SYNE1: variants seen among roughly 807,000 people sequenced by gnomAD.
The protein encoded by SYNE1 is nesprin-1.
Under a neutral mutation model 1,111.0 loss-of-function variants are expected in SYNE1, and 616 were observed. That is an observed-to-expected ratio of 0.55 (90% CI 0.52 to 0.59). The LOEUF (loss-of-function observed/expected upper bound fraction) is 0.59. Ranked by LOEUF, SYNE1 falls within the 20% of genes least tolerant of loss-of-function variation. SYNE1 has a pLI of 0.00. For missense variants in SYNE1, 10,006 were observed against 10,417.0 expected (o/e 0.96, Z 1.72); for synonymous variants, 3,855 against 3,825.8 (o/e 1.01, Z -0.28).
At chr6:152,156,727 C>T (rs1345568697) in intron 131 of SYNE1, among the ~76,000 whole-genome samples, 5 of 152,082 alleles carry the variant, frequency 3.3e-5, no homozygotes, top group Non-Finnish European at 4.4e-5. Flanking sequence ...TTTTGATCTA[C>T]GGTTGGTGGA....
chr6:152,194,223 GTTTGAAAAAGTCTA>G (rs139664087), intron 127 of SYNE1, among the ~76,000 whole-genome samples: 9,879 of 152,012 alleles, frequency 0.065, 377 homozygotes, highest in African/African-American at 0.11. Context: ...GCTTTTGTTT[GTTTGAAAAAGTCTA>G]TTTTTCCTTC....
At chr6:152,334,462 A>C (rs148883134) in intron 76 of SYNE1, among the ~76,000 whole-genome samples, 189 bp from the exon 77 acceptor site, 2 of 152,356 alleles carry the variant, frequency 1.3e-5, no homozygotes, top group African/African-American at 4.8e-5. Context: ...TATGAACGTT[A>C]ATTCCCACGT....
Position 152,428,216 on chromosome 6 carries a change from G to A in SYNE1, c.4965C>T (p.Ala1655=), listed in dbSNP as rs765695344. The A allele has an allele frequency of 6.2e-7, 1 of 1,613,500 alleles. No homozygotes were observed. The stretch of plus-strand genomic sequence containing the variant: ...AAAGTGCTGCTCACCTCTGCCAGTG[G>A]GCCAGCAGATTCTCCAGCGCCGTCT... ...ERQTALENLL[A]HWQRLEKELS... The change falls in exon 37 of 146, where the codon GCC becomes GCT. Residue 1655 remains alanine (A), a synonymous_variant. Coordinates refer to ENST00000367255, the MANE Select transcript of SYNE1 (RefSeq NM_182961.4).
chr6:152,184,673 TAGA>T lies in SYNE1; in HGVS notation c.23302-4382_23302-4380del, dbSNP rs1563298801. 3.3e-5 allele frequency among the ~76,000 whole-genome samples: 5 copies of T among 149,940 alleles called. No individual in the cohort carries two copies. The East Asian group carries it at 9.7e-4, about 29-fold the overall frequency. ...ATAGATAGATAGATAGATAGATAGA[TAGA>T]TAAAATATATATTAAATCCCTTGTG... On this transcript the variant is annotated intron_variant, in intron 128 of 145. Transcript: ENST00000367255.
chr6:152,277,993 T>C (rs749852211), intron 98 of SYNE1, 96 bp downstream of exon 98: 2 of 1,351,026 alleles, frequency 1.5e-6, no homozygotes, highest in Non-Finnish European at 2.1e-6. Flanking sequence ...CAAGTACGCG[T>C]CACCGCCAAC....
intron 126 of SYNE1, among the ~76,000 whole-genome samples, chr6:152,205,607 TA>T (rs2076361716): frequency 6.6e-6 from 1 of 152,230 alleles, no homozygotes; most frequent in South Asian, 2.1e-4. Flanking sequence ...GAGAAAAGCA[TA>T]TTGTGGGAGG....
intron 3 of SYNE1, among the ~76,000 whole-genome samples, chr6:152,623,795 T>C (rs2099680594): frequency 6.6e-6 from 1 of 152,088 alleles, no homozygotes; most frequent in African/African-American, 2.4e-5. Flanking sequence ...TAAAAACATT[T>C]CAATCTTCAC....
At chr6:152,193,945 A>G (rs942113353) in intron 127 of SYNE1, among the ~76,000 whole-genome samples, 9 of 151,572 alleles carry the variant, frequency 5.9e-5, no homozygotes, top group Admixed American at 1.3e-4. Context: ...CCCAGGAGGC[A>G]GAGCTTGCAG....
chr6:152,428,234 C>T lies in SYNE1; in HGVS notation c.4947G>A (p.Ala1649=), dbSNP rs771626624. Residue 1649 remains alanine (A), a synonymous_variant, in exon 37 of 146, where the codon GCG becomes GCA. Transcript: ENST00000367255. ...GCCAGTGGGCCAGCAGATTCTCCAG[C>T]GCCGTCTGTCTCTCCTTCGCCCTCC... The part of the protein sequence containing the change: ...ILRRAKERQT[A]LENLLAHWQR... 38 of 1,613,716 alleles carry T rather than the reference C, an allele frequency of 2.4e-5. No individual in the cohort carries two copies. Among genetic ancestry groups the T allele is most frequent in the East Asian group, 1.1e-4 (5 of 44,894 alleles).
chr6:152,136,314 T>C (rs1385309152), intron 141 of SYNE1, among the ~76,000 whole-genome samples: 2 of 152,142 alleles, frequency 1.3e-5, no homozygotes, highest in African/African-American at 4.8e-5. Context: ...CCAGTAAATA[T>C]CTGTTGAATA....
At chr6:152,550,551 C>T (rs113405305) in intron 3 of SYNE1, among the ~76,000 whole-genome samples, 10 of 150,578 alleles carry the variant, frequency 6.6e-5, no homozygotes, top group African/African-American at 2.2e-4. Flanking sequence ...TTTGTCATCT[C>T]GTATGTATGG....
chr6:152,481,629 TTG>T (rs1377807350), intron 14 of SYNE1: 6 of 440,032 alleles, frequency 1.4e-5, no homozygotes, highest in East Asian at 7.0e-5. Context: ...GAAAAAATTA[TTG>T]TGTGTTATAT....
intron 104 of SYNE1, among the ~76,000 whole-genome samples, chr6:152,249,946 A>G (rs118014174): frequency 0.014 from 2,089 of 152,290 alleles, 27 homozygotes; most frequent in Non-Finnish European, 0.022. Context: ...TCCACAGGGA[A>G]TAATAAATTA....
At chr6:152,227,779 C>T (rs1420127813) in intron 115 of SYNE1, among the ~76,000 whole-genome samples, 1 of 152,028 alleles carries the variant, frequency 6.6e-6, no homozygotes, top group Non-Finnish European at 1.5e-5. Context: ...GAAACTATTT[C>T]TAAAATGCCC....
intron 3 of SYNE1, among the ~76,000 whole-genome samples, chr6:152,560,868 T>C (rs2099393025): frequency 6.6e-6 from 1 of 152,130 alleles, no homozygotes. Context: ...CTCAACATAA[T>C]TTTATGATTA....
chr6:152,570,018 A>G (rs2099440208), intron 3 of SYNE1, among the ~76,000 whole-genome samples: 1 of 152,180 alleles, frequency 6.6e-6, no homozygotes, highest in African/African-American at 2.4e-5. Flanking sequence ...TTAGTTTACA[A>G]TTTAGTTTCT....
In SYNE1 at chr6:152,122,505, G is replaced by C. The variant is rs1198815454; in HGVS notation, c.26325C>G (p.Ala8775=). 1 of 1,614,190 alleles carries C rather than the reference G, an allele frequency of 6.2e-7. No homozygotes were observed. ...VPMSEEDYSC[A]LSNNFARSFH... is the part of the protein sequence containing the mutation. ...ATGACCGGGCAAAGTTGTTGGAGAG[G>C]GCACAGCTGTAGTCTTCCTCTGACA... Residue 8775 remains alanine (A), a synonymous_variant, in exon 146 of 146, where the codon GCC becomes GCG. Coordinates refer to ENST00000367255, the MANE Select transcript of SYNE1 (RefSeq NM_182961.4).
Position 152,231,540 on chromosome 6 carries a change from G to A in SYNE1, c.20890C>T (p.Gln6964Ter). 6.2e-7 allele frequency: 1 copy of A among 1,613,984 alleles called. No individual in the cohort carries two copies. Among genetic ancestry groups the A allele is most frequent in the Non-Finnish European group, 8.5e-7 (1 of 1,180,006 alleles). Residue 6964 changes from glutamine (Q) to a stop codon, truncating the protein, a stop_gained, in exon 114 of 146, where the codon CAG becomes TAG. Coordinates refer to ENST00000367255, the MANE Select transcript of SYNE1 (RefSeq NM_182961.4). LOFTEE classifies it high-confidence loss of function. ...KGFKIDINCK[Q>*]LTVDFVNQSV... ...TGGTTCACAAAATCCACTGTCAGCTGTTTACAGTTAATGTCTATCTTAAAA... is the reference window on the plus strand; with the variant it reads ...TGGTTCACAAAATCCACTGTCAGCTATTTACAGTTAATGTCTATCTTAAAA...
intron 3 of SYNE1, among the ~76,000 whole-genome samples, chr6:152,603,760 C>A (rs1171243257): frequency 1.4e-5 from 2 of 142,780 alleles, no homozygotes; most frequent in African/African-American, 5.3e-5. Context: ...CCCAGGAATT[C>A]AAGGGTTATA....
Sources: gnomAD v4.1 joint callset for allele counts (sites outside exome capture counted in the v4.1 genomes callset) on GRCh38, gnomAD v4.1.1 for gene constraint, MANE v1.5 for transcripts, NCBI Gene and HGNC (gene_info 2026-07-23, HGNC 2026-07-21) for gene names.